HSD17B12: variants seen among roughly 807,000 people sequenced by gnomAD.
The protein encoded by HSD17B12 is very-long-chain 3-oxoacyl-CoA reductase.
In HSD17B12, 32 loss-of-function variants were observed where a neutral mutation model predicts 39.3. The observed-to-expected ratio is 0.81, with a 90% CI of 0.61 to 1.09. The LOEUF (loss-of-function observed/expected upper bound fraction) is 1.09. HSD17B12 is among the 50% of genes least tolerant of loss of function. HSD17B12 has a pLI of 0.00. For synonymous variants in HSD17B12, 150 were observed against 146.7 expected, an observed-to-expected ratio of 1.02 and a Z score of -0.16; for missense variants, 342 against 382.9, an observed-to-expected ratio of 0.89 and a Z score of 0.89.
intron 3 of HSD17B12, among the ~76,000 whole-genome samples, chr11:43,772,427 C>G (rs1297664797): frequency 6.6e-6 from 1 of 152,142 alleles, no homozygotes; most frequent in Non-Finnish European, 1.5e-5. Flanking sequence ...TTCCATCACC[C>G]CTTCATGCAC....
intron 3 of HSD17B12, among the ~76,000 whole-genome samples, chr11:43,793,018 A>G (rs1950882411): frequency 6.6e-6 from 1 of 152,156 alleles, no homozygotes; most frequent in Non-Finnish European, 1.5e-5. Context: ...TATGCCAGAC[A>G]TGGTGCTAGC....
At chr11:43,817,059 T>G (rs1951137128) in intron 6 of HSD17B12, among the ~76,000 whole-genome samples, 1 of 145,982 alleles carries the variant, frequency 6.9e-6, no homozygotes, top group Admixed American at 7.0e-5. Context: ...TATATATATA[T>G]CTCGTGGTTT....
intron 1 of HSD17B12, among the ~76,000 whole-genome samples, chr11:43,713,749 T>TAAAAGTG (rs1395756512): frequency 6.6e-6 from 1 of 152,178 alleles, no homozygotes; most frequent in Non-Finnish European, 1.5e-5. Flanking sequence ...ACCAACAGTG[T>TAAAAGTG]AAAAGTGTTC....
At chr11:43,577,804 G>A in the HSD17B12 span, among the ~76,000 whole-genome samples, 47 of 152,300 alleles carry the variant, frequency 3.1e-4, no homozygotes, top group South Asian at 6.2e-4. Flanking sequence ...AGGGAACATC[G>A]CGGGGCGCCT....
In HSD17B12 at chr11:43,768,491, C is replaced by T. The variant is rs114752525; in HGVS notation, c.283+14370C>T. Among the ~76,000 whole-genome samples, 1,092 of 152,118 alleles carry T rather than the reference C, an allele frequency of 7.2e-3. 15 individuals are homozygous for T. Among genetic ancestry groups the T allele is most frequent in the African/African-American group, 0.025 (1,026 of 41,484 alleles). On this transcript the variant is annotated intron_variant, in intron 3 of 10. Coordinates refer to ENST00000278353, the MANE Select transcript of HSD17B12 (RefSeq NM_016142.3). Reference sequence around the variant, plus strand: ...TCCTTCTGGTGGGTTCTTGGTCTCACTGACTTCAAGAATGAAGAAGCCAAA... The same window carrying T: ...TCCTTCTGGTGGGTTCTTGGTCTCATTGACTTCAAGAATGAAGAAGCCAAA...
intron 4 of HSD17B12, among the ~76,000 whole-genome samples, chr11:43,805,794 A>C (rs1951012741): frequency 6.6e-6 from 1 of 152,126 alleles, no homozygotes. Flanking sequence ...ACAGCCCCCC[A>C]AAAAACTGCC....
chr11:43,598,739 C>T, the HSD17B12 span, among the ~76,000 whole-genome samples: 2 of 152,168 alleles, frequency 1.3e-5, no homozygotes, highest in Admixed American at 6.5e-5. Context: ...CTCTGATGTG[C>T]CTGTGCAGTG....
At chr11:43,815,550 A>T in intron 5 of HSD17B12, 49 bp downstream of exon 5, 1 of 1,134,648 alleles carries the variant, frequency 8.8e-7, no homozygotes, top group Non-Finnish European at 1.3e-6. Flanking sequence ...GCATGCAGGT[A>T]TTGGTATAAT....
chr11:43,670,299 G>A, the HSD17B12 span: 1 of 152,148 alleles, frequency 6.6e-6, no homozygotes, highest in Non-Finnish European at 1.5e-5. Context: ...GGGAAGATCT[G>A]GGATGCCTTC....
chr11:43,735,046 A>T (rs1590704724), intron 1 of HSD17B12, among the ~76,000 whole-genome samples: 1 of 152,192 alleles, frequency 6.6e-6, no homozygotes, highest in Non-Finnish European at 1.5e-5. Context: ...GGCTTCTTTC[A>T]TTAAGCATGA....
the HSD17B12 span, among the ~76,000 whole-genome samples, chr11:43,599,694 T>TA: frequency 6.6e-6 from 1 of 152,288 alleles, no homozygotes; most frequent in African/African-American, 2.4e-5. Context: ...TTTATGCTTT[T>TA]AAAAATAGTT....
intron 1 of HSD17B12, among the ~76,000 whole-genome samples, chr11:43,750,377 C>T (rs1426501099): frequency 6.6e-6 from 1 of 151,934 alleles, no homozygotes; most frequent in African/African-American, 2.4e-5. Flanking sequence ...ATCAGTAGTT[C>T]TTTTTTTATT....
intron 3 of HSD17B12, among the ~76,000 whole-genome samples, chr11:43,773,246 A>T (rs1234254014): frequency 6.6e-6 from 1 of 152,322 alleles, no homozygotes; most frequent in Admixed American, 6.5e-5. Context: ...AAATAGAATT[A>T]AAAAAATTTT....
chr11:43,838,352 G>T lies in HSD17B12; in HGVS notation c.572G>T (p.Ser191Ile). Reference protein sequence around the residue: ...KGAILNISSGSGMLPVPLLTI... With the variant: ...KGAILNISSGIGMLPVPLLTI... ...GCTATTCTGAACATTTCATCTGGCA[G>T]TGGCATGCTCCCTGTCCCACTCTTG... Residue 191 changes from serine to isoleucine, a missense_variant, in exon 8 of 11, where the codon AGT (serine) becomes ATT (isoleucine). By Grantham distance (142) the Ser-to-Ile change is moderately radical (BLOSUM62 -2). Transcript: ENST00000278353. 6.2e-7 allele frequency: 1 copy of T among 1,613,282 alleles called. No individual in the cohort carries two copies. Among genetic ancestry groups the T allele is most frequent in the Non-Finnish European group, 8.5e-7 (1 of 1,179,398 alleles).
intron 1 of HSD17B12, among the ~76,000 whole-genome samples, chr11:43,732,631 C>A (rs1160881073): frequency 6.6e-6 from 1 of 151,988 alleles, no homozygotes; most frequent in Non-Finnish European, 1.5e-5. Flanking sequence ...GCTTGGCTAA[C>A]CTTTTTTATT....
the HSD17B12 span, among the ~76,000 whole-genome samples, chr11:43,605,224 G>A: frequency 3.9e-5 from 6 of 152,090 alleles, no homozygotes; most frequent in African/African-American, 1.4e-4. Flanking sequence ...TGTCTTAGGT[G>A]GTCCATGGAA....
the HSD17B12 span, among the ~76,000 whole-genome samples, chr11:43,557,211 CT>C: frequency 1.3e-4 from 20 of 152,328 alleles, no homozygotes; most frequent in South Asian, 4.1e-3. Context: ...GGGACGCCGT[CT>C]TGGCTTCCCC....
chr11:43,623,652 G>C, the HSD17B12 span, among the ~76,000 whole-genome samples: 1 of 151,778 alleles, frequency 6.6e-6, no homozygotes, highest in South Asian at 2.1e-4. Context: ...TTGTATAAAG[G>C]GGGTAAAACG....
chr11:43,575,961 AT>A, the HSD17B12 span, among the ~76,000 whole-genome samples: 33 of 150,970 alleles, frequency 2.2e-4, no homozygotes, highest in South Asian at 6.3e-4. This position sits in a 1 kb window ranked among gnomAD's most constrained non-coding sequence, Gnocchi z 4.1. Context: ...GGTATGGATG[AT>A]TTTTTTTTTC....
Sources: gnomAD v4.1 joint callset for allele counts (sites outside exome capture counted in the v4.1 genomes callset) on GRCh38, gnomAD v4.1.1 for gene constraint, Gnocchi (gnomAD v3.1) non-coding constraint, MANE v1.5 for transcripts, NCBI Gene and HGNC (gene_info 2026-07-23, HGNC 2026-07-21) for gene names.